MOB1B: variants seen among roughly 807,000 people sequenced by gnomAD.
MOB1B encodes MOB1 Mps One Binder homolog B.
MOB1B carries 19 observed loss-of-function variants against 24.4 expected under a neutral mutation model. The ratio of observed to expected loss-of-function variants is 0.78; its 90% CI spans 0.54 to 1.14. The LOEUF is 1.14. MOB1B is among the 50% of genes most tolerant of loss of function. The pLI, the probability that MOB1B is intolerant of heterozygous loss-of-function variation, is 0.00. For missense variants in MOB1B, 243 were observed against 259.6 expected, an observed-to-expected ratio of 0.94 and a Z score of 0.44; for synonymous variants, 76 against 82.1, an observed-to-expected ratio of 0.93 and a Z score of 0.40.
Position 70,983,628 on chromosome 4 carries a change from C to G in MOB1B, c.*1571C>G, listed in dbSNP as rs1008152979. 1.3e-5 allele frequency: 2 copies of G among 152,404 alleles called. No homozygotes were observed. The allele number at this position is 152,404 out of a possible 1,614,324, so 9.4% of individuals were successfully genotyped here. ...TCACATCTAGGAAGAAATGCTTGCT[C>G]TGAAATAGTATAGATTAAAAACACT... On this transcript the variant is annotated 3_prime_UTR_variant, in exon 6 of 6. Coordinates refer to ENST00000309395, the MANE Select transcript of MOB1B (RefSeq NM_173468.4).
chr4:70,970,211 A>G (rs1318703779), intron 3 of MOB1B, among the ~76,000 whole-genome samples, 187 bp downstream of exon 3: 1 of 151,908 alleles, frequency 6.6e-6, no homozygotes, highest in Non-Finnish European at 1.5e-5. Context: ...CTGTTTGCTT[A>G]TGTGTCTTCT....
intron 1 of MOB1B, among the ~76,000 whole-genome samples, chr4:70,930,878 C>T (rs762365150): frequency 7.9e-5 from 12 of 151,438 alleles, no homozygotes; most frequent in African/African-American, 1.5e-4. Context: ...AGCATTGCAA[C>T]GTCTCAAATA....
chr4:70,953,541 T>A (rs2148891147), intron 1 of MOB1B, among the ~76,000 whole-genome samples: 1 of 152,162 alleles, frequency 6.6e-6, no homozygotes, highest in East Asian at 1.9e-4. Flanking sequence ...AAACATCTAA[T>A]CTCTAAATGA....
At chr4:70,925,023 A>T (rs1028318794) in intron 1 of MOB1B, among the ~76,000 whole-genome samples, 1 of 152,102 alleles carries the variant, frequency 6.6e-6, no homozygotes, top group Non-Finnish European at 1.5e-5. Flanking sequence ...GCTTTAGTTG[A>T]GCTCTATTGA....
intron 1 of MOB1B, among the ~76,000 whole-genome samples, chr4:70,916,197 A>G (rs1421039238): frequency 1.3e-5 from 2 of 152,220 alleles, no homozygotes; most frequent in Non-Finnish European, 2.9e-5. Flanking sequence ...GTTCTCACTT[A>G]GGTGAGAGTG....
At chr4:70,978,848 T>G (rs1053146434) in intron 4 of MOB1B, among the ~76,000 whole-genome samples, 5 of 151,716 alleles carry the variant, frequency 3.3e-5, no homozygotes, top group Non-Finnish European at 5.9e-5. Context: ...CCATCTTGGG[T>G]GTGTGTGTGT....
rs901114853 is a variant in MOB1B, at chr4:70,946,438, C to A, written c.15-12436C>A. ...GAAGACTCATATCCCTCGTAACCCA[C>A]GATCTAGTGAAAGAGAGGGAGAGGG... On this transcript the variant is annotated intron_variant, in intron 1 of 5. Transcript: ENST00000309395. Among the ~76,000 whole-genome samples, 8 of 152,014 alleles carry A rather than the reference C, an allele frequency of 5.3e-5. No individual in the cohort carries two copies. The East Asian group carries it at 1.4e-3, about 26-fold the overall frequency.
chr4:70,947,180 A>G (rs1345426117), intron 1 of MOB1B, among the ~76,000 whole-genome samples: 1 of 152,226 alleles, frequency 6.6e-6, no homozygotes, highest in Non-Finnish European at 1.5e-5. Flanking sequence ...AAAATTGGGG[A>G]TGATATCACC....
chr4:70,972,469 C>A (rs1259352742), intron 3 of MOB1B, among the ~76,000 whole-genome samples: 4 of 152,106 alleles, frequency 2.6e-5, no homozygotes, highest in Admixed American at 2.0e-4. Context: ...CCTCCTTGGC[C>A]TCCCAAAGTG....
chr4:70,946,758 C>A (rs1049679084), intron 1 of MOB1B, among the ~76,000 whole-genome samples: 1 of 151,724 alleles, frequency 6.6e-6, no homozygotes, highest in African/African-American at 2.4e-5. Flanking sequence ...GTGACCTGTG[C>A]TTTTTCCAAA....
At chr4:70,951,130 T>G (rs1050946540) in intron 1 of MOB1B, among the ~76,000 whole-genome samples, 1 of 152,086 alleles carries the variant, frequency 6.6e-6, no homozygotes, top group Admixed American at 6.6e-5. Context: ...TGTCAATATA[T>G]AGGTATCTGG....
At position 70,902,423 on chromosome 4, in the gene MOB1B, A is replaced by ACCT. The variant is rs986958810; in HGVS notation, c.-105_-103dup. ...GGCCACCGAGCAGCCGGCTCTCGGC[A>ACCT]CCTCCTCCTCCGCCTCCCTGTCTCC... On this transcript the variant is annotated 5_prime_UTR_variant, in exon 1 of 6. Transcript: ENST00000309395. 1.7e-6 allele frequency: 2 copies of ACCT among 1,168,838 alleles called. No individual in the cohort carries two copies. Among genetic ancestry groups the ACCT allele is most frequent in the Non-Finnish European group, 2.5e-6 (2 of 802,140 alleles). The allele number at this position is 1,168,838 out of a possible 1,614,324, so 72.4% of individuals were successfully genotyped here.
At chr4:70,955,531 C>T (rs908420474) in intron 1 of MOB1B, among the ~76,000 whole-genome samples, 3 of 127,962 alleles carry the variant, frequency 2.3e-5, no homozygotes, top group South Asian at 2.5e-4. Flanking sequence ...AGTGCAATGG[C>T]GTGATCTCGG....
At chr4:70,910,864 C>T (rs1735954455) in intron 1 of MOB1B, among the ~76,000 whole-genome samples, 1 of 152,006 alleles carries the variant, frequency 6.6e-6, no homozygotes, top group African/African-American at 2.4e-5. Flanking sequence ...TCTCAGCTCA[C>T]TGCAACCTCC....
chr4:70,921,818 A>C (rs1186948843), intron 1 of MOB1B, among the ~76,000 whole-genome samples: 1 of 152,076 alleles, frequency 6.6e-6, no homozygotes, highest in African/African-American at 2.4e-5. Flanking sequence ...GCATTTCTTT[A>C]CAATACTTCT....
chr4:70,975,403 T>C (rs548544105), intron 4 of MOB1B, 117 bp downstream of exon 4: 3 of 1,467,358 alleles, frequency 2.0e-6, no homozygotes, highest in South Asian at 3.0e-5. Context: ...TGTGTTGATA[T>C]ATGTATATGT....
At chr4:70,945,347 G>A (rs1158344313) in intron 1 of MOB1B, among the ~76,000 whole-genome samples, 1 of 152,126 alleles carries the variant, frequency 6.6e-6, no homozygotes, top group Non-Finnish European at 1.5e-5. Flanking sequence ...CGTGATTTTT[G>A]TTAGGGCCCT....
At chr4:70,941,262 A>G (rs1011062441) in intron 1 of MOB1B, among the ~76,000 whole-genome samples, 2 of 151,624 alleles carry the variant, frequency 1.3e-5, no homozygotes, top group African/African-American at 4.8e-5. Flanking sequence ...GACATGAAAT[A>G]TGTTCTCAGT....
intron 1 of MOB1B, among the ~76,000 whole-genome samples, chr4:70,913,493 A>G (rs945246842): frequency 6.6e-6 from 1 of 151,708 alleles, no homozygotes; most frequent in African/African-American, 2.4e-5. Context: ...GACAGCCCAC[A>G]TTGCCAGGGC....
Sources: allele counts gnomAD v4.1 joint callset (sites outside exome capture counted in the v4.1 genomes callset), GRCh38; gene constraint gnomAD v4.1.1; transcripts MANE v1.5; gene names NCBI Gene and HGNC (gene_info 2026-07-23, HGNC 2026-07-21).